TTN: variants seen among roughly 807,000 people sequenced by gnomAD.
The protein encoded by TTN is titin.
Under a neutral mutation model 3,223.0 loss-of-function variants are expected in TTN, and 1,525 were observed. The observed-to-expected ratio is 0.47, with a 90% confidence interval of 0.45 to 0.49. TTN has a LOEUF of 0.49. Ranked by LOEUF, TTN falls within the 20% of genes least tolerant of loss-of-function variation. The pLI, the probability that TTN is intolerant of heterozygous loss-of-function variation, is 0.00. For missense variants in TTN, 40,786 were observed against 43,424.0 expected, an observed-to-expected ratio of 0.94 and a Z score of 5.40; for synonymous variants, 14,094 against 15,161.0, an observed-to-expected ratio of 0.93 and a Z score of 5.17.
chr2:178,568,277 A>G lies in TTN; in HGVS notation c.77855T>C (p.Val25952Ala). Residue 25952 changes from valine (V) to alanine (A), a missense_variant, in exon 326 of 363, where the codon GTG becomes GCG. Transcript: ENST00000589042. ...SATVARTTLK[V>A]TKLKTGTEYQ... ...TTCTGTACCAGTTTTCAGTTTGGTC[A>G]CTTTGAGTGTAGTTCTAGCAACAGT... The G allele has an allele frequency of 6.2e-7, 1 of 1,613,526 alleles. No individual in the cohort carries two copies. The highest frequency in any genetic ancestry group is 8.5e-7 in the Non-Finnish European group (1 of 1,179,632).
At position 178,560,638 on chromosome 2, in the gene TTN, C is replaced by T. The variant is rs1703274205; in HGVS notation, c.85494G>A (p.Trp28498Ter). The T allele has an allele frequency of 1.2e-6, 2 of 1,613,616 alleles. No homozygotes were observed. The part of the protein sequence containing the change: ...VEKRETSHLA[W>*]TICEGELQMT... ...TCTGTAACTCTCCTTCACATATTGT[C>T]CATGCAAGGTGGCTTGTTTCACGTT... Residue 28498 changes from tryptophan (W) to a stop codon, truncating the protein, a stop_gained, in exon 326 of 363, where the codon TGG (tryptophan) becomes TGA (stop). Coordinates refer to ENST00000589042, the MANE Select transcript of TTN (RefSeq NM_001267550.2). LOFTEE classifies it high-confidence loss of function.
At position 178,636,149 on chromosome 2, in the gene TTN, G is replaced by A. The variant is rs375947044; in HGVS notation, c.41422C>T (p.Arg13808Cys). ...LYLSCELNKE[R>C]DVVWRKDGKI... ...CCATCCTTCCTCCAGACCACGTCAC[G>A]CTCTTTGTTTAACTCGCAGCTCAAG... Residue 13808 changes from arginine to cysteine, a missense_variant, in exon 226 of 363, where the codon CGT (arginine) becomes TGT (cysteine). By Grantham distance (180) the Arg-to-Cys change is radical. Coordinates refer to ENST00000589042, the MANE Select transcript of TTN (RefSeq NM_001267550.2). This position sits in a 1 kb window ranked among gnomAD's most constrained non-coding sequence, Gnocchi z 4.3. 9.3e-6 allele frequency: 15 copies of A among 1,612,930 alleles called. No homozygotes were observed. Among genetic ancestry groups the A allele is most frequent in the South Asian group, 5.5e-5 (5 of 91,022 alleles).
rs778304141 is a variant in TTN, at chr2:178,777,960, A to T, written c.4224T>A (p.Arg1408=). 1.2e-6 allele frequency: 2 copies of T among 1,613,818 alleles called. No individual in the cohort carries two copies. Among genetic ancestry groups the T allele is most frequent in the Admixed American group, 3.3e-5 (2 of 59,990 alleles). ...PVSRIRSLSP[R]SVSRSPIRMS... is the part of the protein sequence containing the mutation. ...TGCGTATAGGAGACCTGCTCACTGAACGTGGAGAGAGAGATCTGCAAAACA... is the reference window on the plus strand; with the variant it reads ...TGCGTATAGGAGACCTGCTCACTGATCGTGGAGAGAGAGATCTGCAAAACA... The change falls in exon 25 of 363, where the codon CGT becomes CGA. Residue 1408 remains arginine, a synonymous_variant. Coordinates refer to ENST00000589042, the MANE Select transcript of TTN (RefSeq NM_001267550.2).
chr2:178,562,296 C>T lies in TTN; in HGVS notation c.83836G>A (p.Asp27946Asn), dbSNP rs1360228493. The T allele has an allele frequency of 1.9e-6, 3 of 1,613,392 alleles. No homozygotes were observed. The highest frequency in any genetic ancestry group is 4.5e-5 in the East Asian group (2 of 44,820). ...ACTGGCACTCCAAGTTGTCTTGGAT[C>T]ACTTCTTCCCTTTTCGTTAACTGCA... ...VAAVNEKGRS[D>N]PRQLGVPVIA... The change falls in exon 326 of 363, where the codon GAT becomes AAT. Residue 27946 changes from aspartate to asparagine, a missense_variant. Physicochemically the swap from Asp to Asn is conservative, Grantham distance 23 (BLOSUM62 1). Coordinates refer to ENST00000589042, the MANE Select transcript of TTN (RefSeq NM_001267550.2).
At chr2:178,721,773 C>G in intron 78 of TTN, 74 bp downstream of exon 78, 1 of 1,418,600 alleles carries the variant, frequency 7.0e-7, no homozygotes, top group Non-Finnish European at 9.3e-7. Context: ...CATTTAAAAA[C>G]CAAAGAAACT....
chr2:178,583,544 T>C, intron 312 of TTN, 63 bp downstream of exon 312: 1 of 1,431,884 alleles, frequency 7.0e-7, no homozygotes. Context: ...AGTTTTTTAT[T>C]AGGAAAAATG....
rs1698006505 is a variant in TTN, at chr2:178,548,285, G to A, written c.93341C>T (p.Pro31114Leu). ...AACATCAAGTCTCCTAGGTGGAGCA[G>A]GCTGTTCTGTGGCTACAATTGGTTC... ...MPEPIVATEQ[P>L]APPRRLDVVD... The change falls in exon 339 of 363, where the codon CCT becomes CTT. Residue 31114 changes from proline to leucine, a missense_variant. Physicochemically the swap from Pro to Leu is moderately conservative, Grantham distance 98. Transcript: ENST00000589042. This position sits in a 1 kb window ranked among gnomAD's most constrained non-coding sequence, Gnocchi z 4.3. 2.5e-6 allele frequency: 4 copies of A among 1,613,854 alleles called. No individual in the cohort carries two copies. Among genetic ancestry groups the A allele is most frequent in the Non-Finnish European group, 3.4e-6 (4 of 1,179,812 alleles).
rs2080660804 is a variant in TTN, at chr2:178,732,166, T to G, written c.16803A>C (p.Leu5601=). ...CTTCGATGCCAACATCTGTCAGTCTTAGAACTGCAGTAGACTCCACAAAAG... is the reference window on the plus strand; with the variant it reads ...CTTCGATGCCAACATCTGTCAGTCTGAGAACTGCAGTAGACTCCACAAAAG... ...RMSFVESTAV[L]RLTDVGIEDS... Residue 5601 remains leucine, a synonymous_variant, in exon 57 of 363, where the codon CTA becomes CTC. Coordinates refer to ENST00000589042, the MANE Select transcript of TTN (RefSeq NM_001267550.2). 1 of 1,613,694 alleles carries G rather than the reference T, an allele frequency of 6.2e-7. No homozygotes were observed. Among genetic ancestry groups the G allele is most frequent in the Non-Finnish European group, 8.5e-7 (1 of 1,179,782 alleles).
chr2:178,678,890 G>C (rs2068699808), intron 142 of TTN, 60 bp from the exon 143 acceptor site: 3 of 1,425,374 alleles, frequency 2.1e-6, no homozygotes, highest in Middle Eastern at 1.8e-4. Flanking sequence ...AGATTTTAAG[G>C]CTGGCAATGT....
rs1263370770 is a variant in TTN at position 178,782,378 on chromosome 2, C to T, written c.3214G>A (p.Glu1072Lys). Reference sequence around the variant, plus strand: ...GCAGGTTCTCCAGGCCCTGCTTGTTCCTCTGTGAGGCTAGTATCAGTCATA... The same window carrying T: ...GCAGGTTCTCCAGGCCCTGCTTGTTTCTCTGTGAGGCTAGTATCAGTCATA... Reference protein sequence around the residue: ...VVMTDTSLTEEQAGPGEPAAP... With the variant: ...VVMTDTSLTEKQAGPGEPAAP... Residue 1072 changes from glutamate to lysine, a missense_variant, in exon 20 of 363, where the codon GAA becomes AAA. By Grantham distance (56) the Glu-to-Lys change is moderately conservative (BLOSUM62 1). Transcript: ENST00000589042. The T allele has an allele frequency of 2.5e-6, 4 of 1,613,948 alleles. No homozygotes were observed. The highest frequency in any genetic ancestry group is 3.4e-6 in the Non-Finnish European group (4 of 1,179,984).
chr2:178,768,267 A>C (rs1363604738), intron 38 of TTN, 112 bp from the exon 39 acceptor site: 2 of 1,296,258 alleles, frequency 1.5e-6, no homozygotes, highest in Non-Finnish European at 2.2e-6. Context: ...ATTTCCATGT[A>C]TTCATCATTG....
rs141299222 is a variant in TTN, at chr2:178,773,445, G to C, written c.7594+17C>G. On this transcript the variant is annotated intron_variant, in intron 32 of 362. Transcript: ENST00000589042. ...GAATGCTTAAAGTAATTATTAGATA[G>C]GTAGAATAATCCTTACTTTCTACAG... is the stretch of plus-strand genomic sequence containing the variant. 162 of 1,613,864 alleles carry C rather than the reference G, an allele frequency of 1.0e-4. No homozygotes were observed. The East Asian group carries it at 2.7e-3, about 27-fold the overall frequency.
Position 178,663,909 on chromosome 2 carries a change from A to G in TTN, c.36365-7T>C, listed in dbSNP as rs746341489. The G allele has an allele frequency of 5.6e-6, 9 of 1,613,372 alleles. No homozygotes were observed. In the African/African-American group the frequency reaches 6.7e-5, roughly 12 times the overall value. On this transcript the variant is annotated splice_polypyrimidine_tract_variant and splice_region_variant and intron_variant, in intron 169 of 362. Transcript: ENST00000589042. ...TCTTTGGAAGCTTCTGGCACTTGAA[A>G]GATATTAGTGAAATTACATTTAGGT...
chr2:178,800,825 C>G lies in TTN; in HGVS notation c.296-143G>C, dbSNP rs959025603. On this transcript the variant is annotated intron_variant, in intron 3 of 362. Coordinates refer to ENST00000589042, the MANE Select transcript of TTN (RefSeq NM_001267550.2). The stretch of plus-strand genomic sequence containing the variant: ...CTTGAATGTCCTTGAACCCAGCTCA[C>G]CCAGCAATGACAGCAAGAATGGGAG... 1.6e-5 allele frequency: 14 copies of G among 868,348 alleles called. No homozygotes were observed. In the African/African-American group the frequency reaches 2.4e-4, roughly 15 times the overall value. 53.8% of individuals were successfully genotyped at this position (868,348 alleles called of 1,614,324 possible).
chr2:178,755,852 G>A (rs192315824), intron 46 of TTN, among the ~76,000 whole-genome samples: 81 of 152,254 alleles, frequency 5.3e-4, no homozygotes, highest in African/African-American at 1.9e-3. Flanking sequence ...CAATTAAACT[G>A]AAATTTACCA....
rs794729383 is a variant in TTN at position 178,569,501 on chromosome 2, C to T, written c.76631G>A (p.Trp25544Ter). ...TCGGATTTCACCATCCACCTTTCCC[C>T]ATTTAACTTCTGGTGTAGGACGACC... ...IKGRPTPEVK[W>*]GKVDGEIRDA... The change falls in exon 326 of 363, where the codon TGG becomes TAG. Residue 25544 changes from tryptophan (W) to a stop codon, truncating the protein, a stop_gained. Coordinates refer to ENST00000589042, the MANE Select transcript of TTN (RefSeq NM_001267550.2). LOFTEE classifies it high-confidence loss of function. The T allele has an allele frequency of 6.2e-7, 1 of 1,612,694 alleles. No individual in the cohort carries two copies. Among genetic ancestry groups the T allele is most frequent in the Non-Finnish European group, 8.5e-7 (1 of 1,179,090 alleles).
In TTN at chr2:178,715,510, G is replaced by A. The variant is rs1005082166; in HGVS notation, c.25904C>T (p.Thr8635Ile). ...HNAAGSASSS[T>I]SLKVKEPPIF... ...GCGCTGACCTTTAACTTTTAAGGATGTGCTGCTGCTGGCACTGCCTGCTGC... is the reference window on the plus strand; with the variant it reads ...GCGCTGACCTTTAACTTTTAAGGATATGCTGCTGCTGGCACTGCCTGCTGC... Residue 8635 changes from threonine to isoleucine, a missense_variant, in exon 89 of 363, where the codon ACA (threonine) becomes ATA (isoleucine). Physicochemically the swap from Thr to Ile is moderately conservative, Grantham distance 89. Coordinates refer to ENST00000589042, the MANE Select transcript of TTN (RefSeq NM_001267550.2). 2 of 1,611,802 alleles carry A rather than the reference G, an allele frequency of 1.2e-6. No individual in the cohort carries two copies. The highest frequency in any genetic ancestry group is 1.3e-5 in the African/African-American group (1 of 74,830).
intron 66 of TTN, 48 bp from the exon 67 acceptor site, chr2:178,728,445 G>A (rs1560759621): frequency 1.3e-6 from 2 of 1,580,354 alleles, no homozygotes. Context: ...CTTGCTATTT[G>A]TTTACAAAGG....
At chr2:178,704,439 A>C (rs750878235) in intron 105 of TTN, 32 bp from the exon 106 acceptor site, 2 of 1,605,262 alleles carry the variant, frequency 1.2e-6, no homozygotes, top group Non-Finnish European at 1.7e-6. Context: ...CATTTTGTTC[A>C]ATATCACACG....
Sources: gnomAD v4.1 joint callset for allele counts (sites outside exome capture counted in the v4.1 genomes callset) on GRCh38, gnomAD v4.1.1 for gene constraint, Gnocchi (gnomAD v3.1) non-coding constraint, MANE v1.5 for transcripts, NCBI Gene and HGNC (gene_info 2026-07-23, HGNC 2026-07-21) for gene names.